PHKB: variants seen among roughly 807,000 people sequenced by gnomAD.
The protein encoded by PHKB is phosphorylase b kinase regulatory subunit beta.
In PHKB, 122 loss-of-function variants were observed where a neutral mutation model predicts 152.1. The observed-to-expected ratio is 0.80, with a 90% CI of 0.69 to 0.93. PHKB has a LOEUF of 0.93. Ranked by LOEUF, PHKB falls within the 40% of genes least tolerant of loss-of-function variation. PHKB has a pLI of 0.00. For missense variants in PHKB, 1,304 were observed against 1,328.4 expected, an observed-to-expected ratio of 0.98 and a Z score of 0.29; for synonymous variants, 436 against 464.9, an observed-to-expected ratio of 0.94 and a Z score of 0.80.
chr16:47,620,627 G>T (rs1299762167), intron 14 of PHKB, among the ~76,000 whole-genome samples: 1 of 152,174 alleles, frequency 6.6e-6, no homozygotes, highest in African/African-American at 2.4e-5. Flanking sequence ...TGTAATCCCA[G>T]CACTTGGGGA....
At chr16:47,502,947 A>G (rs1293848779) in intron 3 of PHKB, 44 bp from the exon 4 acceptor site, 2 of 1,257,790 alleles carry the variant, frequency 1.6e-6, no homozygotes, top group South Asian at 2.4e-5. Flanking sequence ...CTTCCTTTTC[A>G]AATGCATTTC....
Position 47,497,491 on chromosome 16 carries a change from G to T in PHKB, c.166+3G>T. ...GTTGGACCATTATTACAGAATTGGT[G>T]AGTAAAACCTGAGGAAAACGTGTCC... On this transcript the variant is annotated splice_donor_region_variant and intron_variant, in intron 2 of 30. Coordinates refer to ENST00000323584, the MANE Select transcript of PHKB (RefSeq NM_000293.3). 1 of 1,570,688 alleles carries T rather than the reference G, an allele frequency of 6.4e-7. No homozygotes were observed. Among genetic ancestry groups the T allele is most frequent in the Non-Finnish European group, 8.8e-7 (1 of 1,142,662 alleles).
chr16:47,628,704 C>T (rs549030591), intron 14 of PHKB, among the ~76,000 whole-genome samples: 34 of 152,006 alleles, frequency 2.2e-4, no homozygotes, highest in Non-Finnish European at 3.8e-4. Context: ...AAAAAGAGCC[C>T]GCATCGCCAA....
intron 7 of PHKB, among the ~76,000 whole-genome samples, chr16:47,553,273 T>G (rs762793638): frequency 6.6e-6 from 1 of 152,118 alleles, no homozygotes; most frequent in Non-Finnish European, 1.5e-5. Flanking sequence ...CTCGCTTTAT[T>G]TCATTAAGTT....
At chr16:47,676,529 A>T (rs977291248) in intron 26 of PHKB, 7 of 152,170 alleles carry the variant, frequency 4.6e-5, no homozygotes, top group African/African-American at 1.4e-4. Context: ...TGCATTGAGT[A>T]TACTTTTATC....
intron 14 of PHKB, among the ~76,000 whole-genome samples, chr16:47,634,084 A>G (rs963074139): frequency 3.3e-5 from 5 of 152,208 alleles, no homozygotes; most frequent in Non-Finnish European, 4.4e-5. Flanking sequence ...GACACTTACT[A>G]TAGGCCAGTG....
intron 26 of PHKB, among the ~76,000 whole-genome samples, chr16:47,678,963 G>C (rs1973791763): frequency 6.6e-6 from 1 of 152,196 alleles, no homozygotes; most frequent in Non-Finnish European, 1.5e-5. Flanking sequence ...TGTAAGGAAG[G>C]CATCAAGTTT....
chr16:47,613,959 A>G (rs751511382), intron 14 of PHKB, among the ~76,000 whole-genome samples: 12 of 152,178 alleles, frequency 7.9e-5, no homozygotes, highest in Admixed American at 5.9e-4. Flanking sequence ...TCCATTCTCA[A>G]CTGCTATAAA....
At chr16:47,665,722 G>C in intron 25 of PHKB, 1 of 610,338 alleles carries the variant, frequency 1.6e-6, no homozygotes, top group Non-Finnish European at 2.9e-6. Context: ...GTCACAGCTT[G>C]GTGGCAGGGA....
rs984277587 is a variant in PHKB at position 47,463,814 on chromosome 16, A to G, written c.76+2388A>G. 2.8e-5 allele frequency: 24 copies of G among 870,214 alleles called. No individual in the cohort carries two copies. The Admixed American group carries it at 4.3e-4, about 15-fold the overall frequency. The allele number at this position is 870,214 out of a possible 1,614,324, so 53.9% of individuals were successfully genotyped here. ...TACTGCCTTTGTTGCATACTGCATC[A>G]TGTTAATAACTGCTCACACTGCTTT... On this transcript the variant is annotated intron_variant, in intron 1 of 30. Transcript: ENST00000323584.
intron 27 of PHKB, among the ~76,000 whole-genome samples, chr16:47,690,180 T>C (rs1395863325): frequency 2.0e-5 from 3 of 152,170 alleles, no homozygotes; most frequent in Non-Finnish European, 4.4e-5. Flanking sequence ...GGATGGACTT[T>C]TTAAATAGTG....
chr16:47,472,101 A>G (rs1385834637), intron 1 of PHKB, among the ~76,000 whole-genome samples: 1 of 152,180 alleles, frequency 6.6e-6, no homozygotes, highest in African/African-American at 2.4e-5. Flanking sequence ...GTGTATATAT[A>G]GTAAAATCTT....
intron 27 of PHKB, among the ~76,000 whole-genome samples, chr16:47,689,819 A>G (rs1795728721): frequency 6.6e-6 from 1 of 152,218 alleles, no homozygotes. Context: ...TCTTCCACAA[A>G]AGGAAATTTG....
chr16:47,587,565 C>G, intron 8 of PHKB, 103 bp from the exon 9 acceptor site: 1 of 766,952 alleles, frequency 1.3e-6, no homozygotes, highest in Non-Finnish European at 2.3e-6. Context: ...ACTCAAGATG[C>G]AGACAATGTC....
chr16:47,669,232 T>G lies in PHKB; in HGVS notation c.2445T>G (p.Phe815Leu). Residue 815 changes from phenylalanine (F) to leucine (L), a missense_variant, in exon 26 of 31, where the codon TTT (phenylalanine) becomes TTG (leucine). Phe to Leu is a conservative substitution (Grantham distance 22). Transcript: ENST00000323584. ...ACTTGTAGGTAACTCTGGGTGCCTT[T>G]GGGCATGAAGAAGAAGTTATCTCTA... ...VHGKQVTLGA[F>L]GHEEEVISNP... 5 of 1,613,996 alleles carry G rather than the reference T, an allele frequency of 3.1e-6. No homozygotes were observed. The highest frequency in any genetic ancestry group is 4.2e-6 in the Non-Finnish European group (5 of 1,179,902).
At chr16:47,548,419 C>T (rs1413926305) in intron 7 of PHKB, among the ~76,000 whole-genome samples, 4 of 151,952 alleles carry the variant, frequency 2.6e-5, no homozygotes, top group African/African-American at 9.7e-5. Context: ...CCAGCGTGGC[C>T]AACATGGTGA....
At chr16:47,492,797 A>C (rs1970172148) in intron 1 of PHKB, among the ~76,000 whole-genome samples, 1 of 152,206 alleles carries the variant, frequency 6.6e-6, no homozygotes, top group Non-Finnish European at 1.5e-5. Flanking sequence ...TAAAAATGAG[A>C]TAAAAATAGA....
At chr16:47,660,476 A>G (rs1456367666) in intron 20 of PHKB, 30 bp from the exon 21 acceptor site, 2 of 1,576,328 alleles carry the variant, frequency 1.3e-6, no homozygotes, top group African/African-American at 1.3e-5. Context: ...TGTATCTAAG[A>G]GTTTCTAATC....
intron 18 of PHKB, among the ~76,000 whole-genome samples, chr16:47,649,823 G>A (rs543195084): frequency 6.6e-6 from 1 of 152,288 alleles, no homozygotes; most frequent in Admixed American, 6.5e-5. Context: ...TATATGTAAA[G>A]TACTAAGAAT....
Sources: allele counts gnomAD v4.1 joint callset (sites outside exome capture counted in the v4.1 genomes callset), GRCh38; gene constraint gnomAD v4.1.1; transcripts MANE v1.5; gene names NCBI Gene and HGNC (gene_info 2026-07-23, HGNC 2026-07-21).